The following SAXO1 variants were observed in gnomAD, a reference collection of about 807,000 sequenced individuals.
SAXO1 encodes the protein 4930500O09Rik.
A neutral mutation model predicts 17.5 loss-of-function variants in SAXO1; 21 were observed. The ratio of observed to expected loss-of-function variants is 1.20; its 90% CI spans 0.85 to 1.72. The LOEUF (loss-of-function observed/expected upper bound fraction) is 1.72, where lower values mean the gene tolerates loss of function less well. Ranked by LOEUF, SAXO1 falls within the 40% of genes most tolerant of loss-of-function variation. The pLI, the probability that SAXO1 is intolerant of heterozygous loss-of-function variation, is 0.00. For synonymous variants in SAXO1, 274 were observed against 216.5 expected (o/e 1.27, Z -2.33); for missense variants, 843 against 596.0 (o/e 1.41, Z -4.32).
At chr9:18,981,746 C>T (rs142562978) in intron 1 of SAXO1, among the ~76,000 whole-genome samples, 1 of 152,042 alleles carries the variant, frequency 6.6e-6, no homozygotes, top group Non-Finnish European at 1.5e-5. Context: ...GGGATTGGGG[C>T]CCCACCTCAC....
chr9:19,030,710 T>A (rs1380078917), intron 1 of SAXO1, among the ~76,000 whole-genome samples: 2 of 151,338 alleles, frequency 1.3e-5, no homozygotes, highest in Non-Finnish European at 2.9e-5. Context: ...ATAAAAAAAA[T>A]AAAAAAATAA....
upstream of SAXO1, among the ~76,000 whole-genome samples, chr9:19,037,081 A>G (rs1401475303): frequency 6.6e-6 from 1 of 152,198 alleles, no homozygotes; most frequent in Non-Finnish European, 1.5e-5. Context: ...TCAGACTTGC[A>G]TGGGGACTGT....
intron 1 of SAXO1, among the ~76,000 whole-genome samples, chr9:19,024,606 T>TA (rs989209256): frequency 1.3e-5 from 2 of 151,688 alleles, no homozygotes; most frequent in South Asian, 2.1e-4. Context: ...TAATAAAATT[T>TA]AAAAAAAAGT....
At chr9:19,028,235 C>A in intron 1 of SAXO1, 1 of 862,514 alleles carries the variant, frequency 1.2e-6, no homozygotes, top group Non-Finnish European at 1.8e-6. Context: ...AATTAGCCGG[C>A]CGTAGTGGCG....
intron 1 of SAXO1, among the ~76,000 whole-genome samples, chr9:19,023,325 C>A (rs1426168702): frequency 2.6e-5 from 4 of 152,132 alleles, no homozygotes; most frequent in African/African-American, 9.7e-5. Flanking sequence ...TTGCCTAGAA[C>A]AGACCTTTAT....
intron 1 of SAXO1, among the ~76,000 whole-genome samples, chr9:19,044,344 A>G (rs542690684): frequency 2.0e-5 from 3 of 152,168 alleles, no homozygotes; most frequent in Non-Finnish European, 4.4e-5. Flanking sequence ...ATTACTTACT[A>G]TCAAATTATC....
chr9:19,036,266 A>G (rs557622265), upstream of SAXO1, among the ~76,000 whole-genome samples: 47 of 151,218 alleles, frequency 3.1e-4, 1 homozygote, highest in East Asian at 1.9e-3. Context: ...AAAAAAAAAA[A>G]AAAGAAAGAA....
intron 3 of SAXO1, among the ~76,000 whole-genome samples, chr9:18,934,460 G>C (rs1017982837): frequency 1.3e-5 from 2 of 152,036 alleles, no homozygotes; most frequent in Non-Finnish European, 2.9e-5. Flanking sequence ...CCCCTCTAAC[G>C]AATTTTTTAT....
chr9:18,981,494 TA>T (rs2131821032), intron 1 of SAXO1, among the ~76,000 whole-genome samples: 1 of 152,292 alleles, frequency 6.6e-6, no homozygotes, highest in South Asian at 2.1e-4. Context: ...GAGGCCAGGC[TA>T]AAGCCCCTCA....
intron 1 of SAXO1, among the ~76,000 whole-genome samples, chr9:18,975,546 G>A (rs1833112602): frequency 6.6e-6 from 1 of 152,184 alleles, no homozygotes; most frequent in Non-Finnish European, 1.5e-5. Flanking sequence ...TGGCAGTTAT[G>A]ATTTGCACTT....
intron 1 of SAXO1, among the ~76,000 whole-genome samples, chr9:18,953,050 G>C (rs1832102373): frequency 6.6e-6 from 1 of 152,184 alleles, no homozygotes; most frequent in South Asian, 2.1e-4. Context: ...GACTATCTGA[G>C]ATTTCAATTT....
chr9:19,036,563 G>C (rs1240586803), upstream of SAXO1, among the ~76,000 whole-genome samples: 2 of 152,182 alleles, frequency 1.3e-5, no homozygotes, highest in African/African-American at 4.8e-5. Context: ...GGCCAACATA[G>C]AGCTTGGGCC....
At chr9:18,951,106 G>A (rs2131729829) in intron 1 of SAXO1, among the ~76,000 whole-genome samples, 169 bp from the exon 2 acceptor site, 1 of 152,282 alleles carries the variant, frequency 6.6e-6, no homozygotes, top group South Asian at 2.1e-4. Context: ...GAAGTGGCCA[G>A]AATATAAAGG....
chr9:18,993,970 G>A (rs1833910954), intron 1 of SAXO1, among the ~76,000 whole-genome samples: 1 of 152,142 alleles, frequency 6.6e-6, no homozygotes, highest in African/African-American at 2.4e-5. Flanking sequence ...TGAAAAGAAA[G>A]GCGAACCTAC....
chr9:19,039,335 T>C (rs1392159832), intron 1 of SAXO1, among the ~76,000 whole-genome samples: 1 of 152,212 alleles, frequency 6.6e-6, no homozygotes, highest in South Asian at 2.1e-4. Context: ...TGTTGGGATG[T>C]GATTATAACT....
At position 19,004,390 on chromosome 9, in the gene SAXO1, C is replaced by T. The variant is rs184425644; in HGVS notation, c.38+28481G>A. On this transcript the variant is annotated intron_variant, in intron 1 of 3. Transcript: ENST00000380534. ...GGTATATAACCAAAGGATTATAAATCATGCTACTATAAAGACACATGCACA... is the reference window on the plus strand; with the variant it reads ...GGTATATAACCAAAGGATTATAAATTATGCTACTATAAAGACACATGCACA... Among the ~76,000 whole-genome samples, 485 of 152,328 alleles carry T rather than the reference C, an allele frequency of 3.2e-3. 3 individuals are homozygous for T. Among genetic ancestry groups the T allele is most frequent in the Non-Finnish European group, 4.8e-3 (327 of 68,026 alleles).
chr9:18,973,446 GAA>G (rs1833025426), intron 1 of SAXO1, among the ~76,000 whole-genome samples: 1 of 152,234 alleles, frequency 6.6e-6, no homozygotes, highest in African/African-American at 2.4e-5. Context: ...AGGTAGATAG[GAA>G]TGATTTTCTC....
intron 1 of SAXO1, among the ~76,000 whole-genome samples, chr9:19,045,538 A>G (rs1836193773): frequency 6.6e-6 from 1 of 152,188 alleles, no homozygotes; most frequent in African/African-American, 2.4e-5. Flanking sequence ...AAGCTGGCCT[A>G]TAAACTGAAT....
chr9:18,933,167 T>A (rs977445378), intron 3 of SAXO1, among the ~76,000 whole-genome samples: 6 of 152,170 alleles, frequency 3.9e-5, no homozygotes, highest in African/African-American at 1.4e-4. Context: ...AAGTACAGAT[T>A]TTTTTTGTGA....
Sources: gnomAD v4.1 joint callset for allele counts (sites outside exome capture counted in the v4.1 genomes callset) on GRCh38, gnomAD v4.1.1 for gene constraint, MANE v1.5 for transcripts, NCBI Gene and HGNC (gene_info 2026-07-23, HGNC 2026-07-21) for gene names.